Variants in MGA observed in about 807,000 individuals in gnomAD.
MGA encodes the protein MAX dimerization protein MGA.
Under a neutral mutation model 261.1 loss-of-function variants are expected in MGA, and 40 were observed. The observed-to-expected ratio is 0.15, with a 90% CI of 0.12 to 0.20. The LOEUF is 0.20. MGA is among the 10% of genes least tolerant of loss of function. The pLI is 1.00. For missense variants in MGA, 3,397 were observed against 3,630.5 expected, an observed-to-expected ratio of 0.94 and a Z score of 1.65; for synonymous variants, 1,302 against 1,290.6, an observed-to-expected ratio of 1.01 and a Z score of -0.19.
intron 2 of MGA, among the ~76,000 whole-genome samples, chr15:41,684,851 AATTG>A (rs2058867338): frequency 6.6e-6 from 1 of 152,138 alleles, no homozygotes; most frequent in Non-Finnish European, 1.5e-5. Context: ...TGATTATGGA[AATTG>A]ATTGGCTTGT....
Position 41,696,331 on chromosome 15 carries a change from C to A in MGA, c.1321C>A (p.Leu441Ile). Reference sequence around the variant, plus strand: ...AGTTGACAACCCAGAAGCTGACCATCTATCTTCTAAATGGCTTCCAAGCAG... The same window carrying A: ...AGTTGACAACCCAGAAGCTGACCATATATCTTCTAAATGGCTTCCAAGCAG... The change falls in exon 3 of 24, where the codon CTA becomes ATA. Residue 441 changes from leucine to isoleucine, a missense_variant. By Grantham distance (5) the Leu-to-Ile change is conservative. This residue lies in a region of MGA where 563 missense variants were observed against 563.6 expected (regional missense o/e 1.00). Coordinates refer to ENST00000219905, the MANE Select transcript of MGA (RefSeq NM_001164273.2). 6.2e-7 allele frequency: 1 copy of A among 1,613,938 alleles called. No individual in the cohort carries two copies.
chr15:41,746,798 A>G (rs1567073116), intron 15 of MGA, among the ~76,000 whole-genome samples: 1 of 150,116 alleles, frequency 6.7e-6, no homozygotes, highest in Non-Finnish European at 1.5e-5. Context: ...CATTTGTTTG[A>G]TTTTTTTTTC....
At chr15:41,707,980 G>A in intron 6 of MGA, 121 bp downstream of exon 6, 8 of 1,387,908 alleles carry the variant, frequency 5.8e-6, no homozygotes, top group Non-Finnish European at 7.8e-6. Flanking sequence ...TAGATCTTTT[G>A]TCTGTTGTTA....
chr15:41,659,645 C>CTAAT (rs2057289955), upstream of MGA, among the ~76,000 whole-genome samples: 1 of 152,238 alleles, frequency 6.6e-6, no homozygotes, highest in Non-Finnish European at 1.5e-5. Flanking sequence ...TAGATATTCA[C>CTAAT]TAATACTTTC....
intron 2 of MGA, among the ~76,000 whole-genome samples, chr15:41,673,294 T>G (rs2058175060): frequency 6.6e-6 from 1 of 152,130 alleles, no homozygotes; most frequent in Non-Finnish European, 1.5e-5. Flanking sequence ...CTTGGCTTGC[T>G]GCAACCTCTG....
At chr15:41,737,202 C>T (rs551510783) in intron 13 of MGA, among the ~76,000 whole-genome samples, 3 of 152,238 alleles carry the variant, frequency 2.0e-5, no homozygotes, top group African/African-American at 7.2e-5. Flanking sequence ...TGGCTCACAG[C>T]AACCTCTGCC....
chr15:41,707,068 G>A (rs1242644251), intron 5 of MGA, among the ~76,000 whole-genome samples: 1 of 152,168 alleles, frequency 6.6e-6, no homozygotes, highest in Non-Finnish European at 1.5e-5. Flanking sequence ...TTAGTCTATG[G>A]TGAGTTTGTA....
chr15:41,718,146 C>A (rs2060736841), intron 9 of MGA, among the ~76,000 whole-genome samples: 2 of 150,540 alleles, frequency 1.3e-5, no homozygotes, highest in African/African-American at 2.4e-5. Context: ...ATGTAATTTG[C>A]CATATAACAG....
At position 41,669,275 on chromosome 15, in the gene MGA, A is replaced by G. The variant is rs778522648; in HGVS notation, c.381A>G (p.Ile127Met). 1.2e-6 allele frequency: 2 copies of G among 1,614,056 alleles called. No homozygotes were observed. Among genetic ancestry groups the G allele is most frequent in the South Asian group, 2.2e-5 (2 of 91,082 alleles). The change falls in exon 2 of 24, where the codon ATA becomes ATG. Residue 127 changes from isoleucine (I) to methionine (M), a missense_variant. Ile to Met is a conservative substitution (Grantham distance 10). Around this residue, in one of 9 missense-constraint regions of MGA, gnomAD observed 104 missense variants for 212.9 expected, o/e 0.49. Coordinates refer to ENST00000219905, the MANE Select transcript of MGA (RefSeq NM_001164273.2). Reference sequence around the variant, plus strand: ...TGAAGTATATTCTTGTCATGGATATATCTCCTGTGGATAACCATCGTTATA... The same window carrying G: ...TGAAGTATATTCTTGTCATGGATATGTCTCCTGTGGATAACCATCGTTATA...
chr15:41,664,236 G>C (rs929552298), intron 1 of MGA, among the ~76,000 whole-genome samples: 1 of 152,158 alleles, frequency 6.6e-6, no homozygotes. Flanking sequence ...AGTTGAAATA[G>C]GTTGATATGA....
intron 11 of MGA, among the ~76,000 whole-genome samples, chr15:41,732,534 C>T (rs1408593877): frequency 6.6e-6 from 1 of 152,152 alleles, no homozygotes; most frequent in Admixed American, 6.5e-5. Context: ...ATGGTTATAT[C>T]CTCTGCTAAT....
chr15:41,661,334 AC>A (rs1179401589), intron 1 of MGA, among the ~76,000 whole-genome samples: 2 of 144,366 alleles, frequency 1.4e-5, no homozygotes, highest in African/African-American at 2.6e-5. Context: ...CATTAACATC[AC>A]CCCCCCACCG....
At chr15:41,665,044 C>A (rs1232684267) in intron 1 of MGA, among the ~76,000 whole-genome samples, 3 of 151,948 alleles carry the variant, frequency 2.0e-5, no homozygotes, top group Non-Finnish European at 4.4e-5. Flanking sequence ...TATCTCTAGT[C>A]ATAATAGGAA....
chr15:41,766,777 C>T lies in MGA; in HGVS notation c.8695C>T (p.Pro2899Ser). ...TCAAGGGGAGAGTGACTCTATCAGT[C>T]CCCTCCTCTTGCACTTGGAAGACGA... Residue 2899 changes from proline to serine, a missense_variant, in exon 24 of 24, where the codon CCC becomes TCC. This residue lies in a region of MGA where 647 missense variants were observed against 642.4 expected (regional missense o/e 1.01). Coordinates refer to ENST00000219905, the MANE Select transcript of MGA (RefSeq NM_001164273.2). The T allele has an allele frequency of 1.9e-6, 3 of 1,613,976 alleles. No individual in the cohort carries two copies. Among genetic ancestry groups the T allele is most frequent in the Non-Finnish European group, 2.5e-6 (3 of 1,179,892 alleles).
chr15:41,725,025 A>G (rs910236623), intron 9 of MGA, among the ~76,000 whole-genome samples: 14 of 152,172 alleles, frequency 9.2e-5, no homozygotes, highest in African/African-American at 3.4e-4. Context: ...TATGAATGCC[A>G]CTCAGTCATA....
intron 1 of MGA, among the ~76,000 whole-genome samples, chr15:41,661,196 T>C (rs1279902429): frequency 6.6e-6 from 1 of 151,948 alleles, no homozygotes; most frequent in Admixed American, 6.6e-5. Flanking sequence ...GGAAAACAGG[T>C]GGGAAGAGCA....
chr15:41,712,477 C>G (rs1813867411), intron 8 of MGA, among the ~76,000 whole-genome samples: 1 of 152,246 alleles, frequency 6.6e-6, no homozygotes, highest in African/African-American at 2.4e-5. Flanking sequence ...CTCGGCCTCC[C>G]AAAGTGCTAG....
At chr15:41,721,797 G>A (rs2060953552) in intron 9 of MGA, among the ~76,000 whole-genome samples, 1 of 152,156 alleles carries the variant, frequency 6.6e-6, no homozygotes, top group Non-Finnish European at 1.5e-5. Context: ...AAATAGTTGG[G>A]CAGTATCTAC....
Position 41,742,861 on chromosome 15 carries a change from C to T in MGA, c.4901C>T (p.Thr1634Ile). 1 of 1,614,016 alleles carries T rather than the reference C, an allele frequency of 6.2e-7. No individual in the cohort carries two copies. Among genetic ancestry groups the T allele is most frequent in the Non-Finnish European group, 8.5e-7 (1 of 1,179,896 alleles). ...ACTACTTATTCTTCTGGTGCCACCA[C>T]TACAGGGGTTGTTGAGGTCTCTGAA... Residue 1634 changes from threonine to isoleucine, a missense_variant, in exon 15 of 24, where the codon ACT (threonine) becomes ATT (isoleucine). Thr to Ile is a moderately conservative substitution (Grantham distance 89). This residue lies in a region of MGA where 1,410 missense variants were observed against 1,386.4 expected (regional missense o/e 1.02). Coordinates refer to ENST00000219905, the MANE Select transcript of MGA (RefSeq NM_001164273.2).
Sources: allele counts gnomAD v4.1 joint callset (sites outside exome capture counted in the v4.1 genomes callset), GRCh38; gene constraint gnomAD v4.1.1; regional missense constraint gnomAD v4.1.1; transcripts MANE v1.5; gene names NCBI Gene and HGNC (gene_info 2026-07-23, HGNC 2026-07-21).